The following DENND2B variants were observed in gnomAD, a reference collection of about 807,000 sequenced individuals.
DENND2B encodes the protein DENN domain containing 2B.
In DENND2B, 32 loss-of-function variants were observed where a neutral mutation model predicts 116.0. That is an observed-to-expected ratio of 0.28 (90% CI 0.21 to 0.37). The LOEUF (loss-of-function observed/expected upper bound fraction) is 0.37. Among genes scored for constraint, DENND2B ranks in the 10% least tolerant of loss-of-function variants. DENND2B has a pLI of 1.00. For missense variants in DENND2B, 1,276 were observed against 1,477.7 expected, an observed-to-expected ratio of 0.86 and a Z score of 2.24; for synonymous variants, 588 against 583.9, an observed-to-expected ratio of 1.01 and a Z score of -0.10.
At position 8,712,793 on chromosome 11, in the gene DENND2B, T is replaced by G; in HGVS notation, c.1988-58A>C. 6.6e-7 allele frequency: 1 copy of G among 1,523,254 alleles called. No homozygotes were observed. The highest frequency in any genetic ancestry group is 8.8e-7 in the Non-Finnish European group (1 of 1,132,398). 94.4% of individuals were successfully genotyped at this position (1,523,254 alleles called of 1,614,324 possible). A position where few individuals can be genotyped will look rare whatever the true frequency, so the allele number is the denominator to read the frequency against. ...CTCACAGGCCTCATGTTAACTCCTC[T>G]ACCCCTGGCTCAGGGCTCCATTGCT... On this transcript the variant is annotated intron_variant, in intron 8 of 19. Transcript: ENST00000313726. The surrounding 1 kb of genome is among the most constrained non-coding windows in gnomAD (Gnocchi z 4.4).
chr11:8,784,300 G>A (rs540537770), intron 1 of DENND2B: 1 of 151,318 alleles, frequency 6.6e-6, no homozygotes, highest in African/African-American at 2.4e-5. Context: ...GGAGGTGCAT[G>A]CCTGTGGTCC....
intron 1 of DENND2B, among the ~76,000 whole-genome samples, chr11:8,801,837 TA>T (rs761358121): frequency 6.7e-6 from 1 of 149,674 alleles, no homozygotes; most frequent in African/African-American, 2.5e-5. Context: ...CCCATCTCTA[TA>T]AAAAAAATTA....
rs1431095553 is a variant in DENND2B, at chr11:8,718,269, C to T, written c.1478-377G>A. On this transcript the variant is annotated intron_variant, in intron 4 of 19. Transcript: ENST00000313726. ...TCCCTTCCCTCTGCTGCAAACACCCCAGAGATAACACAGTTCAAGGTAGGA... is the reference window on the plus strand; with the variant it reads ...TCCCTTCCCTCTGCTGCAAACACCCTAGAGATAACACAGTTCAAGGTAGGA... 4 of 1,208,690 alleles carry T rather than the reference C, an allele frequency of 3.3e-6. No homozygotes were observed. In the African/African-American group the frequency reaches 4.5e-5, roughly 14 times the overall value. 74.9% of individuals were successfully genotyped at this position (1,208,690 alleles called of 1,614,324 possible).
At chr11:8,721,683 C>T (rs986833366) in intron 4 of DENND2B, among the ~76,000 whole-genome samples, 7 of 152,250 alleles carry the variant, frequency 4.6e-5, no homozygotes, top group Non-Finnish European at 1.0e-4. Flanking sequence ...TCGACAGCCC[C>T]GGCACCTTCC....
chr11:8,773,421 A>G (rs1283359123), intron 1 of DENND2B, among the ~76,000 whole-genome samples: 2 of 152,194 alleles, frequency 1.3e-5, no homozygotes, highest in Non-Finnish European at 2.9e-5. Flanking sequence ...GCCATCAAAC[A>G]TGAGCTGAAA....
intron 1 of DENND2B, among the ~76,000 whole-genome samples, chr11:8,802,013 A>G (rs2060390025): frequency 6.8e-6 from 1 of 147,080 alleles, no homozygotes; most frequent in South Asian, 2.2e-4. Flanking sequence ...AAAAAAAAAA[A>G]AAAAGGGCCG....
chr11:8,694,238 G>A, intron 19 of DENND2B, 108 bp from the exon 20 acceptor site: 1 of 1,316,140 alleles, frequency 7.6e-7, no homozygotes, highest in Non-Finnish European at 1.1e-6. Flanking sequence ...GAAGGATTAG[G>A]AAGACTGGAT....
intron 1 of DENND2B, among the ~76,000 whole-genome samples, chr11:8,909,468 G>T (rs1210330520): frequency 6.6e-6 from 1 of 151,460 alleles, no homozygotes; most frequent in African/African-American, 2.4e-5. Context: ...AGAAGGAGAA[G>T]AAATGGAAAA....
chr11:8,742,647 G>C (rs963163196), intron 2 of DENND2B, among the ~76,000 whole-genome samples: 1 of 152,170 alleles, frequency 6.6e-6, no homozygotes, highest in Non-Finnish European at 1.5e-5. Flanking sequence ...AGAGAAAAGA[G>C]GTAAACTAAG....
intron 11 of DENND2B, among the ~76,000 whole-genome samples, chr11:8,710,343 G>A (rs2043376884): frequency 6.6e-6 from 1 of 152,082 alleles, no homozygotes; most frequent in African/African-American, 2.4e-5. Context: ...TCCCAGAGAA[G>A]GTATGTCTCT....
Position 8,837,116 on chromosome 11 carries a change from G to A in DENND2B, c.-115+2194C>T, listed in dbSNP as rs115947190. ...TCCAACTCATTCTGTACTGGAAGAA[G>A]CCAATGCAAATCTTTAACTGGAACA... On this transcript the variant is annotated intron_variant, in intron 4 of 6. Coordinates refer to the DENND2B transcript ENST00000524757. Among the ~76,000 whole-genome samples, 830 of 152,176 alleles carry A rather than the reference G, an allele frequency of 5.5e-3. 7 individuals carry two copies. The highest frequency in any genetic ancestry group is 0.019 in the African/African-American group (788 of 41,504).
intron 1 of DENND2B, among the ~76,000 whole-genome samples, chr11:8,804,062 A>C (rs1555200139): frequency 6.6e-6 from 1 of 152,204 alleles, no homozygotes; most frequent in Non-Finnish European, 1.5e-5. Context: ...GTGAGGAGTG[A>C]GCATCCCACA....
intron 2 of DENND2B, among the ~76,000 whole-genome samples, chr11:8,866,831 G>A (rs2063597454): frequency 6.6e-6 from 1 of 152,110 alleles, no homozygotes; most frequent in Non-Finnish European, 1.5e-5. Flanking sequence ...AACCCAAACT[G>A]AGTCATATCC....
intron 2 of DENND2B, among the ~76,000 whole-genome samples, chr11:8,731,486 G>A (rs994841851): frequency 6.6e-6 from 1 of 152,276 alleles, no homozygotes; most frequent in East Asian, 1.9e-4. Flanking sequence ...TGCCAAGCGA[G>A]AGCATCCCAA....
chr11:8,897,269 T>A (rs990408053), intron 1 of DENND2B, among the ~76,000 whole-genome samples: 1 of 151,400 alleles, frequency 6.6e-6, no homozygotes, highest in African/African-American at 2.4e-5. Context: ...ACAAACAAAC[T>A]AACTAACTAA....
At chr11:8,714,755 C>G in intron 6 of DENND2B, 49 bp from the exon 7 acceptor site, 1 of 1,525,592 alleles carries the variant, frequency 6.6e-7, no homozygotes, top group Non-Finnish European at 9.1e-7. Flanking sequence ...ACCAGCTGCC[C>G]TACTTCCAAG....
At position 8,827,484 on chromosome 11, in the gene DENND2B, T is replaced by C. The variant is rs139143527; in HGVS notation, c.-115+11826A>G. Among the ~76,000 whole-genome samples the C allele has an allele frequency of 5.7e-3, 875 of 152,272 alleles. 1 individual carries two copies. The highest frequency in any genetic ancestry group is 9.7e-3 in the Non-Finnish European group (660 of 68,024). On this transcript the variant is annotated intron_variant, in intron 4 of 6. Transcript: ENST00000524757. ...TGCAGACAGCCTCTGCCATCAGTAA[T>C]GCATGACACAGCTCTTCTAAGGTAA...
intron 4 of DENND2B, among the ~76,000 whole-genome samples, chr11:8,825,133 T>C (rs1177416534): frequency 1.3e-5 from 2 of 152,178 alleles, no homozygotes; most frequent in African/African-American, 4.8e-5. Context: ...TAATTTACAC[T>C]CCCACCAACA....
intron 3 of DENND2B, among the ~76,000 whole-genome samples, chr11:8,845,840 G>A (rs1391165590): frequency 1.3e-5 from 2 of 152,252 alleles, no homozygotes; most frequent in East Asian, 1.9e-4. Flanking sequence ...ATGTTTATTC[G>A]TGGATAATTA....
Sources: gnomAD v4.1 joint callset for allele counts (sites outside exome capture counted in the v4.1 genomes callset) on GRCh38, gnomAD v4.1.1 for gene constraint, Gnocchi (gnomAD v3.1) non-coding constraint, MANE v1.5 for transcripts, NCBI Gene and HGNC (gene_info 2026-07-23, HGNC 2026-07-21) for gene names.